HNRNPC: variants seen among roughly 807,000 people sequenced by gnomAD.
The protein encoded by HNRNPC is heterogeneous nuclear ribonucleoproteins C1/C2.
In HNRNPC, 3 loss-of-function variants were observed where a neutral mutation model predicts 33.2. That is an observed-to-expected ratio of 0.09 (90% CI 0.04 to 0.23). The LOEUF is 0.23. Ranked by LOEUF, HNRNPC falls within the 10% of genes least tolerant of loss-of-function variation. The pLI is 1.00. For missense variants in HNRNPC, 143 were observed against 366.7 expected, an observed-to-expected ratio of 0.39 and a Z score of 4.98; for synonymous variants, 121 against 126.7, an observed-to-expected ratio of 0.96 and a Z score of 0.30.
intron 5 of HNRNPC, among the ~76,000 whole-genome samples, chr14:21,226,327 GA>G (rs374686866): frequency 0.011 from 1,237 of 110,628 alleles, 15 homozygotes; most frequent in African/African-American, 0.033. Flanking sequence ...GTTTCCAAAA[GA>G]AAAAAAAAAA....
intron 3 of HNRNPC, among the ~76,000 whole-genome samples, chr14:21,233,463 A>T (rs763618144): frequency 9.9e-5 from 15 of 152,238 alleles, no homozygotes; most frequent in Non-Finnish European, 1.6e-4. Flanking sequence ...AGTACAACTA[A>T]TAAAATAAAC....
At chr14:21,241,186 G>A (rs922501267) in intron 2 of HNRNPC, among the ~76,000 whole-genome samples, 3 of 149,874 alleles carry the variant, frequency 2.0e-5, no homozygotes, top group African/African-American at 7.4e-5. Flanking sequence ...CTGAACCCAG[G>A]AGGCGGAGGT....
chr14:21,258,424 G>A (rs916231776), intron 2 of HNRNPC, among the ~76,000 whole-genome samples: 2 of 151,704 alleles, frequency 1.3e-5, no homozygotes, highest in Admixed American at 6.6e-5. Context: ...TCAAAGTGAC[G>A]AAAGGAGTCT....
In HNRNPC at chr14:21,209,370, C is replaced by T. The variant is rs1294684350; in HGVS notation, c.*1853G>A. The T allele has an allele frequency of 6.6e-6, 1 of 152,150 alleles. No homozygotes were observed. Among genetic ancestry groups the T allele is most frequent in the Non-Finnish European group, 1.5e-5 (1 of 68,012 alleles). The allele number at this position is 152,150 out of a possible 1,614,324, so 9.4% of individuals were successfully genotyped here. A position where few individuals can be genotyped will look rare whatever the true frequency, so the allele number is the denominator to read the frequency against. ...TAATTTGTTCAGTATTTCCCAAAAA[C>T]TTACAGCTAACAATAATATTAAACA... On this transcript the variant is annotated 3_prime_UTR_variant, in exon 9 of 9. Coordinates refer to ENST00000553300, the MANE Select transcript of HNRNPC (RefSeq NM_004500.4).
At chr14:21,255,752 T>C (rs1177626761) in intron 2 of HNRNPC, among the ~76,000 whole-genome samples, 1 of 152,250 alleles carries the variant, frequency 6.6e-6, no homozygotes, top group East Asian at 1.9e-4. Flanking sequence ...TGTTAATTGT[T>C]TGGCATATGT....
rs751082583 is a variant in HNRNPC at position 21,212,955 on chromosome 14, C to T, written c.523+5G>A. On this transcript the variant is annotated splice_donor_5th_base_variant and intron_variant, in intron 6 of 8. Transcript: ENST00000553300. ...ACCAAAATCACAAAATGAAATAATA[C>T]ATACACTTTCCAGACTTGGAAGATC... is the stretch of plus-strand genomic sequence containing the variant. The T allele has an allele frequency of 6.2e-7, 1 of 1,609,598 alleles. No individual in the cohort carries two copies. The highest frequency in any genetic ancestry group is 8.5e-7 in the Non-Finnish European group (1 of 1,176,090).
chr14:21,266,394 C>T (rs1329127990), intron 1 of HNRNPC, among the ~76,000 whole-genome samples: 1 of 152,064 alleles, frequency 6.6e-6, no homozygotes, highest in African/African-American at 2.4e-5. Flanking sequence ...CAGCCACACC[C>T]GGCCTTAGAA....
At chr14:21,236,425 A>C (rs1894703702) in intron 2 of HNRNPC, 1 of 152,228 alleles carries the variant, frequency 6.6e-6, no homozygotes, top group Non-Finnish European at 1.5e-5. Flanking sequence ...ACGTACTCAC[A>C]ATACGGATTA....
At chr14:21,266,375 A>G (rs1266732131) in intron 1 of HNRNPC, among the ~76,000 whole-genome samples, 1 of 152,164 alleles carries the variant, frequency 6.6e-6, no homozygotes, top group Non-Finnish European at 1.5e-5. Context: ...CTGGGATTAC[A>G]GGCATGAGCA....
At chr14:21,256,914 A>G (rs1211665812) in intron 2 of HNRNPC, among the ~76,000 whole-genome samples, 1 of 152,070 alleles carries the variant, frequency 6.6e-6, no homozygotes, top group Non-Finnish European at 1.5e-5. Context: ...TCAGCCTCCC[A>G]AAGTGCTGGG....
At chr14:21,252,481 T>G (rs1412391727) in intron 2 of HNRNPC, among the ~76,000 whole-genome samples, 1 of 152,160 alleles carries the variant, frequency 6.6e-6, no homozygotes, top group African/African-American at 2.4e-5. Flanking sequence ...CAGGTAATTT[T>G]TTTGTATTCT....
intron 3 of HNRNPC, among the ~76,000 whole-genome samples, chr14:21,232,038 T>A (rs1894177016): frequency 6.6e-6 from 1 of 152,114 alleles, no homozygotes; most frequent in East Asian, 1.9e-4. Context: ...GAATAATTGA[T>A]CAATTGCTTA....
At chr14:21,241,453 A>G (rs1449455642) in intron 2 of HNRNPC, among the ~76,000 whole-genome samples, 1 of 152,170 alleles carries the variant, frequency 6.6e-6, no homozygotes, top group Non-Finnish European at 1.5e-5. Flanking sequence ...AAGGTTTACT[A>G]AATTTTCTGT....
At chr14:21,249,593 C>CAAAAAAAAAAAAAAAAAAA in intron 2 of HNRNPC, among the ~76,000 whole-genome samples, 1 of 83,444 alleles carries the variant, frequency 1.2e-5, no homozygotes, top group Non-Finnish European at 2.3e-5. Context: ...GTCTCAAAAA[C>CAAAAAAAAAAAAAAAAAAA]AAAAAAAAAA....
chr14:21,222,066 A>T, intron 5 of HNRNPC, among the ~76,000 whole-genome samples: 1 of 125,776 alleles, frequency 8.0e-6, no homozygotes, highest in South Asian at 2.6e-4. Flanking sequence ...AAAAAAAAAA[A>T]GCTGAAAAAC....
intron 5 of HNRNPC, among the ~76,000 whole-genome samples, chr14:21,228,383 A>G (rs561851359): frequency 6.6e-6 from 1 of 152,190 alleles, no homozygotes; most frequent in African/African-American, 2.4e-5. Context: ...GAAGTTCTCC[A>G]TTGATTTTTA....
intron 2 of HNRNPC, among the ~76,000 whole-genome samples, chr14:21,255,636 T>C (rs1255161386): frequency 1.3e-5 from 2 of 152,210 alleles, no homozygotes; most frequent in East Asian, 3.8e-4. Flanking sequence ...TTAAGCTTTT[T>C]AATTAGAAGG....
intron 5 of HNRNPC, among the ~76,000 whole-genome samples, chr14:21,222,451 C>G (rs1892933586): frequency 6.6e-6 from 1 of 152,084 alleles, no homozygotes; most frequent in Non-Finnish European, 1.5e-5. Flanking sequence ...CAATGTGTGT[C>G]TTGTGACTGG....
intron 2 of HNRNPC, 86 bp downstream of exon 2, chr14:21,263,225 A>G (rs1218568012): frequency 5.9e-5 from 9 of 152,562 alleles, no homozygotes; most frequent in Non-Finnish European, 1.3e-4. Context: ...TATAATAATA[A>G]TAAGTAATAG....
Sources: gnomAD v4.1 joint callset for allele counts (sites outside exome capture counted in the v4.1 genomes callset) on GRCh38, gnomAD v4.1.1 for gene constraint, MANE v1.5 for transcripts, NCBI Gene and HGNC (gene_info 2026-07-23, HGNC 2026-07-21) for gene names.